Variants in ALPK1 observed in about 807,000 individuals in gnomAD.
ALPK1 encodes the protein alpha-protein kinase 1.
Under a neutral mutation model 120.6 loss-of-function variants are expected in ALPK1, and 110 were observed. The observed-to-expected ratio is 0.91, with a 90% CI of 0.78 to 1.07. The LOEUF is 1.07. Among genes scored for constraint, ALPK1 ranks in the 50% least tolerant of loss-of-function variants. ALPK1 has a pLI of 0.00. For missense variants in ALPK1, 1,498 were observed against 1,483.9 expected (o/e 1.01, Z -0.16); for synonymous variants, 582 against 560.3 (o/e 1.04, Z -0.55).
chr4:112,318,981 T>A (rs7658770), intron 2 of ALPK1, among the ~76,000 whole-genome samples: 2 of 152,020 alleles, frequency 1.3e-5, no homozygotes, highest in Non-Finnish European at 2.9e-5. Flanking sequence ...CAGGAGTTTG[T>A]GTTTCATCCT....
At chr4:112,363,768 T>C (rs1731017321) in intron 2 of ALPK1, among the ~76,000 whole-genome samples, 1 of 152,186 alleles carries the variant, frequency 6.6e-6, no homozygotes, top group South Asian at 2.1e-4. Flanking sequence ...ATTCTATTCA[T>C]CAGTGCATGG....
At chr4:112,408,665 G>A (rs1352277487) in intron 4 of ALPK1, among the ~76,000 whole-genome samples, 1 of 151,952 alleles carries the variant, frequency 6.6e-6, no homozygotes, top group Non-Finnish European at 1.5e-5. Flanking sequence ...GTAGAGATGG[G>A]GTTTCACCAT....
intron 1 of ALPK1, among the ~76,000 whole-genome samples, chr4:112,304,507 T>C (rs1320323978): frequency 6.6e-6 from 1 of 152,146 alleles, no homozygotes; most frequent in Non-Finnish European, 1.5e-5. Flanking sequence ...CCAGTGATGA[T>C]GAGCATTTTT....
At chr4:112,330,414 A>G (rs1341972660) in intron 2 of ALPK1, among the ~76,000 whole-genome samples, 1 of 152,230 alleles carries the variant, frequency 6.6e-6, no homozygotes, top group Non-Finnish European at 1.5e-5. Context: ...TTAATACACA[A>G]CAGGGAGAGG....
chr4:112,399,205 C>A (rs1166363719), intron 4 of ALPK1, among the ~76,000 whole-genome samples: 2 of 152,118 alleles, frequency 1.3e-5, no homozygotes, highest in East Asian at 3.9e-4. Context: ...ATCGCTAGGG[C>A]CTTCCTTGTT....
At chr4:112,407,934 CG>C (rs1733263777) in intron 4 of ALPK1, among the ~76,000 whole-genome samples, 1 of 152,050 alleles carries the variant, frequency 6.6e-6, no homozygotes, top group South Asian at 2.1e-4. Context: ...AGTGAAACCC[CG>C]TCTCTACTAA....
chr4:112,307,104 T>C (rs765813207), intron 1 of ALPK1, among the ~76,000 whole-genome samples: 6 of 152,170 alleles, frequency 3.9e-5, no homozygotes, highest in Non-Finnish European at 8.8e-5. Context: ...GATTGCACTG[T>C]GGTCTGAGAG....
intron 2 of ALPK1, chr4:112,356,369 C>A: frequency 1.2e-6 from 1 of 839,858 alleles, no homozygotes. Flanking sequence ...AGGGGAGCTT[C>A]TCTCAGATCA....
chr4:112,427,199 A>G (rs1018938522), intron 8 of ALPK1, among the ~76,000 whole-genome samples: 2 of 152,212 alleles, frequency 1.3e-5, no homozygotes, highest in Non-Finnish European at 2.9e-5. Flanking sequence ...CTGTGTTTAC[A>G]TTAGGCCCAT....
chr4:112,427,426 A>AATAGTATTTTTAAAAATTGATTTTTAAAT, intron 8 of ALPK1, 144 bp from the exon 9 acceptor site: 2 of 530,392 alleles, frequency 3.8e-6, no homozygotes, highest in Non-Finnish European at 6.8e-6. Context: ...GATTTTTAAA[A>AATAGTATTTTTAAAAATTGATTTTTAAAT]ATAGTATCTC....
At chr4:112,408,247 T>C (rs1733285799) in intron 4 of ALPK1, among the ~76,000 whole-genome samples, 1 of 152,168 alleles carries the variant, frequency 6.6e-6, no homozygotes, top group Admixed American at 6.5e-5. Flanking sequence ...GGAATAGTGT[T>C]GTTCTTTCTA....
At chr4:112,312,656 C>G (rs955148095) in intron 1 of ALPK1, among the ~76,000 whole-genome samples, 5 of 152,174 alleles carry the variant, frequency 3.3e-5, no homozygotes, top group African/African-American at 1.2e-4. Context: ...TTATCTAGCC[C>G]TTGTCAGAAA....
chr4:112,431,435 G>A lies in ALPK1; in HGVS notation c.1888G>A (p.Glu630Lys), dbSNP rs747981660. The A allele has an allele frequency of 3.7e-6, 6 of 1,614,118 alleles. No individual in the cohort carries two copies. Among genetic ancestry groups the A allele is most frequent in the Non-Finnish European group, 5.1e-6 (6 of 1,180,060 alleles). ...QCSTALSEEL[E>K]NDREGRAMHS... ...TTCCACTGCCTTGTCTGAGGAGCTAGAGAATGACAGGGAAGGCAGAGCTAT... is the reference window on the plus strand; with the variant it reads ...TTCCACTGCCTTGTCTGAGGAGCTAAAGAATGACAGGGAAGGCAGAGCTAT... The change falls in exon 11 of 16, where the codon GAG becomes AAG. Residue 630 changes from glutamate to lysine, a missense_variant. Glu to Lys is a moderately conservative substitution (Grantham distance 56). Transcript: ENST00000650871.
chr4:112,379,128 C>T (rs1731791816), intron 3 of ALPK1, among the ~76,000 whole-genome samples: 1 of 152,214 alleles, frequency 6.6e-6, no homozygotes, highest in Non-Finnish European at 1.5e-5. Context: ...CTCCCTTTTA[C>T]TACACCACAC....
intron 4 of ALPK1, among the ~76,000 whole-genome samples, chr4:112,401,056 G>C (rs1008264619): frequency 3.3e-5 from 5 of 152,162 alleles, no homozygotes; most frequent in African/African-American, 1.2e-4. Flanking sequence ...CGATGCCCGG[G>C]TGTACTCCAG....
At chr4:112,339,393 G>T (rs1256237417) in intron 2 of ALPK1, among the ~76,000 whole-genome samples, 1 of 152,158 alleles carries the variant, frequency 6.6e-6, no homozygotes, top group Non-Finnish European at 1.5e-5. Flanking sequence ...ATTAGATAGT[G>T]TAACAGACAT....
intron 2 of ALPK1, among the ~76,000 whole-genome samples, chr4:112,346,270 A>C (rs1730098134): frequency 6.6e-6 from 1 of 152,222 alleles, no homozygotes; most frequent in Non-Finnish European, 1.5e-5. Flanking sequence ...GTCAGAAATC[A>C]TGGGACTTTG....
intron 9 of ALPK1, chr4:112,427,869 A>C (rs74727833): frequency 2.4e-6 from 1 of 424,608 alleles, no homozygotes; most frequent in Non-Finnish European, 4.2e-6. Flanking sequence ...TGTAACAGAC[A>C]CTCAGAGAGT....
At chr4:112,371,238 AC>A (rs1439564335) in intron 2 of ALPK1, among the ~76,000 whole-genome samples, 1 of 151,788 alleles carries the variant, frequency 6.6e-6, no homozygotes, top group African/African-American at 2.4e-5. Flanking sequence ...CTCCCGGCAA[AC>A]CCCCACCCTA....
Sources: allele counts gnomAD v4.1 joint callset (sites outside exome capture counted in the v4.1 genomes callset), GRCh38; gene constraint gnomAD v4.1.1; transcripts MANE v1.5; gene names NCBI Gene and HGNC (gene_info 2026-07-23, HGNC 2026-07-21).